NFASC: variants seen among roughly 807,000 people sequenced by gnomAD.
NFASC encodes neurofascin.
NFASC carries 43 observed loss-of-function variants against 147.5 expected under a neutral mutation model. That is an observed-to-expected ratio of 0.29 (90% CI 0.23 to 0.38). The LOEUF is 0.38. NFASC is among the 10% of genes least tolerant of loss of function. NFASC has a pLI of 1.00. For missense variants in NFASC, 1,320 were observed against 1,689.0 expected, an observed-to-expected ratio of 0.78 and a Z score of 3.83; for synonymous variants, 622 against 665.5, an observed-to-expected ratio of 0.93 and a Z score of 1.01.
chr1:204,964,626 T>C (rs2094849905), intron 8 of NFASC, among the ~76,000 whole-genome samples: 1 of 152,216 alleles, frequency 6.6e-6, no homozygotes, highest in Non-Finnish European at 1.5e-5. Flanking sequence ...CAAAGAGTTT[T>C]TCCTATCTTC....
At chr1:204,958,385 G>T (rs1007693377) in intron 8 of NFASC, among the ~76,000 whole-genome samples, 2 of 152,202 alleles carry the variant, frequency 1.3e-5, no homozygotes, top group Non-Finnish European at 2.9e-5. Context: ...CGCTATGTTT[G>T]TAAGTTGCAG....
rs930857745 is a variant in NFASC, at chr1:205,010,326, T to C, written c.3421+638T>C. 1.3e-5 allele frequency: 2 copies of C among 152,638 alleles called. No homozygotes were observed. The highest frequency in any genetic ancestry group is 4.8e-5 in the African/African-American group (2 of 41,454). The allele number at this position is 152,638 out of a possible 1,614,324, so 9.5% of individuals were successfully genotyped here. A position where few individuals can be genotyped will look rare whatever the true frequency, so the allele number is the denominator to read the frequency against. On this transcript the variant is annotated intron_variant, in intron 28 of 29. Coordinates refer to ENST00000339876, the MANE Select transcript of NFASC (RefSeq NM_001005388.3). The surrounding 1 kb of genome is among the most constrained non-coding windows in gnomAD (Gnocchi z 4.1). ...TCAGCCCCTAGCCAGGCACAATGAC[T>C]CACACCTGTAATCCCAGCACTTCGG...
intron 8 of NFASC, among the ~76,000 whole-genome samples, chr1:204,961,739 A>G (rs1240957766): frequency 6.6e-6 from 1 of 152,260 alleles, no homozygotes; most frequent in African/African-American, 2.4e-5. Context: ...GAGGATTTTG[A>G]TAAGAAGGAG....
At position 204,986,363 on chromosome 1, in the gene NFASC, G is replaced by T. The variant is rs183885265; in HGVS notation, c.2471-1055G>T. Among the ~76,000 whole-genome samples the T allele has an allele frequency of 6.6e-6, 1 of 152,340 alleles. No homozygotes were observed. The highest frequency in any genetic ancestry group is 2.4e-5 in the African/African-American group (1 of 41,572). On this transcript the variant is annotated intron_variant, in intron 21 of 29. Coordinates refer to ENST00000339876, the MANE Select transcript of NFASC (RefSeq NM_001005388.3). The surrounding 1 kb of genome is among the most constrained non-coding windows in gnomAD (Gnocchi z 4.2). ...GAGGTCTGCTGACATAATTCCAGAC[G>T]GGTTATGCAGACTGATCCCCGAGGG...
intron 3 of NFASC, among the ~76,000 whole-genome samples, chr1:204,950,019 T>C (rs2094001096): frequency 6.6e-6 from 1 of 152,092 alleles, no homozygotes; most frequent in South Asian, 2.1e-4. Context: ...GCCTCTAGAG[T>C]CTTCCATAGG....
At chr1:205,012,162 C>T (rs949045674) in intron 28 of NFASC, among the ~76,000 whole-genome samples, 14 of 152,216 alleles carry the variant, frequency 9.2e-5, no homozygotes, top group African/African-American at 3.4e-4. Flanking sequence ...TCAAGGGCAC[C>T]GTAGCTGACA....
chr1:204,997,302 C>T lies in NFASC; in HGVS notation c.2915C>T (p.Ala972Val), dbSNP rs753527310. Residue 972 changes from alanine to valine, a missense_variant, in exon 25 of 30, where the codon GCC becomes GTC. Ala to Val is a moderately conservative substitution (Grantham distance 64, BLOSUM62 0). Transcript: ENST00000339876. Reference protein sequence around the residue: ...IIPTVAPTTIATTTTVATTTT... With the variant: ...IIPTVAPTTIVTTTTVATTTT... ...CCAACTGTCGCACCTACCACCATCG[C>T]CACCACCACCACCGTCGCCACAACT... 41 of 1,589,300 alleles carry T rather than the reference C, an allele frequency of 2.6e-5. No individual in the cohort carries two copies. Among genetic ancestry groups the T allele is most frequent in the Non-Finnish European group, 3.3e-5 (38 of 1,166,886 alleles).
At chr1:204,965,269 A>G (rs2094884032) in intron 8 of NFASC, among the ~76,000 whole-genome samples, 1 of 152,132 alleles carries the variant, frequency 6.6e-6, no homozygotes, top group Admixed American at 6.5e-5. Context: ...CACCATTTAG[A>G]GTTTCATCTA....
intron 1 of NFASC, among the ~76,000 whole-genome samples, chr1:204,897,377 C>A (rs373506052): frequency 6.6e-6 from 1 of 151,996 alleles, no homozygotes; most frequent in African/African-American, 2.4e-5. Flanking sequence ...GAGGAAACCC[C>A]GGAGCAAGGC....
rs911667765 is a variant in NFASC at position 204,992,771 on chromosome 1, A to G, written c.2782+1465A>G. ...ACCTCCCCTGTTCTGGCACCCTGGG[A>G]CCCAAGGCAGGTGGGCCTGGTGGCA... On this transcript the variant is annotated intron_variant, in intron 24 of 29. Coordinates refer to ENST00000339876, the MANE Select transcript of NFASC (RefSeq NM_001005388.3). Among the ~76,000 whole-genome samples the G allele has an allele frequency of 2.0e-5, 3 of 152,134 alleles. No individual in the cohort carries two copies. The South Asian group carries it at 6.2e-4, about 32-fold the overall frequency.
intron 1 of NFASC, among the ~76,000 whole-genome samples, chr1:204,840,393 G>T (rs955266858): frequency 6.6e-6 from 1 of 152,156 alleles, no homozygotes; most frequent in Non-Finnish European, 1.5e-5. Context: ...CTACTATATA[G>T]CCCAATCTGA....
intron 1 of NFASC, among the ~76,000 whole-genome samples, chr1:204,903,894 A>C (rs143453357): frequency 3.3e-5 from 5 of 152,264 alleles, no homozygotes; most frequent in African/African-American, 1.2e-4. Context: ...TTATCTTTTT[A>C]TCTTTCACAG....
intron 1 of NFASC, among the ~76,000 whole-genome samples, chr1:204,898,042 G>T (rs1349919632): frequency 2.6e-5 from 4 of 152,144 alleles, no homozygotes; most frequent in African/African-American, 9.7e-5. Context: ...CAAGCCGCCT[G>T]GCTAATTTTT....
intron 2 of NFASC, among the ~76,000 whole-genome samples, chr1:204,941,529 G>A (rs2093361496): frequency 6.6e-6 from 1 of 152,174 alleles, no homozygotes; most frequent in Admixed American, 6.5e-5. Context: ...ACCAAACATG[G>A]TGGTCGTGGA....
intron 2 of NFASC, among the ~76,000 whole-genome samples, chr1:204,926,400 A>T (rs371764453): frequency 3.4e-5 from 1 of 29,612 alleles, no homozygotes; most frequent in African/African-American, 1.6e-4. Flanking sequence ...ATATATATAT[A>T]TATATATTTT....
At chr1:204,962,078 T>A in intron 8 of NFASC, 1 of 1,598,698 alleles carries the variant, frequency 6.3e-7, no homozygotes, top group Non-Finnish European at 8.6e-7. Flanking sequence ...CGTGGCCTCC[T>A]GTTTGCTCAC....
intron 3 of NFASC, among the ~76,000 whole-genome samples, chr1:204,947,622 C>T (rs2093840410): frequency 6.7e-6 from 1 of 149,244 alleles, no homozygotes; most frequent in Non-Finnish European, 1.5e-5. Flanking sequence ...TCCCCTCCCT[C>T]CCTCCCTCCT....
intron 24 of NFASC, among the ~76,000 whole-genome samples, chr1:204,995,234 G>C (rs2095821314): frequency 1.3e-5 from 2 of 152,160 alleles, no homozygotes; most frequent in African/African-American, 2.4e-5. Context: ...ATGGCCATGA[G>C]AGCTGCAGGG....
In NFASC at chr1:204,979,249, C is replaced by A; in HGVS notation, c.1979-113C>A. The A allele has an allele frequency of 9.6e-7, 1 of 1,043,360 alleles. No individual in the cohort carries two copies. The highest frequency in any genetic ancestry group is 1.5e-6 in the Non-Finnish European group (1 of 675,478). The allele number at this position is 1,043,360 out of a possible 1,614,324, so 64.6% of individuals were successfully genotyped here. A position where few individuals can be genotyped will look rare whatever the true frequency, so the allele number is the denominator to read the frequency against. ...TGCCTTGGGAAGAATTCTCCTTGTGCCTTTGTGTGAGAGAGATTATAAAGA... is the reference window on the plus strand; with the variant it reads ...TGCCTTGGGAAGAATTCTCCTTGTGACTTTGTGTGAGAGAGATTATAAAGA... On this transcript the variant is annotated intron_variant, in intron 18 of 29. Transcript: ENST00000339876. This position sits in a 1 kb window ranked among gnomAD's most constrained non-coding sequence, Gnocchi z 6.0.
Sources: gnomAD v4.1 joint callset for allele counts (sites outside exome capture counted in the v4.1 genomes callset) on GRCh38, gnomAD v4.1.1 for gene constraint, Gnocchi (gnomAD v3.1) non-coding constraint, MANE v1.5 for transcripts, NCBI Gene and HGNC (gene_info 2026-07-23, HGNC 2026-07-21) for gene names.